The following PTPRG variants were observed in gnomAD, a reference collection of about 807,000 sequenced individuals.
The protein encoded by PTPRG is protein tyrosine phosphatase receptor type G.
Under a neutral mutation model 165.3 loss-of-function variants are expected in PTPRG, and 102 were observed. The ratio of observed to expected loss-of-function variants is 0.62; its 90% CI spans 0.53 to 0.73. The LOEUF is 0.73. Among genes scored for constraint, PTPRG ranks in the 30% least tolerant of loss-of-function variants. PTPRG has a pLI of 0.00. For missense variants in PTPRG, 1,866 were observed against 1,861.4 expected, an observed-to-expected ratio of 1.00 and a Z score of -0.05; for synonymous variants, 675 against 669.5, an observed-to-expected ratio of 1.01 and a Z score of -0.13.
intron 1 of PTPRG, among the ~76,000 whole-genome samples, chr3:61,665,450 A>G (rs1702783821): frequency 6.8e-6 from 1 of 146,936 alleles, no homozygotes; most frequent in African/African-American, 2.6e-5. Flanking sequence ...CAAAGCTAAG[A>G]TGGTGAATTG....
At chr3:62,001,681 T>G (rs1377985317) in intron 3 of PTPRG, among the ~76,000 whole-genome samples, 1 of 152,098 alleles carries the variant, frequency 6.6e-6, no homozygotes, top group Non-Finnish European at 1.5e-5. Context: ...AATGATAAGT[T>G]TCCCATTTTT....
At position 62,282,847 on chromosome 3, in the gene PTPRG, G is replaced by A; in HGVS notation, c.4033G>A (p.Gly1345Ser). The A allele has an allele frequency of 6.2e-7, 1 of 1,610,124 alleles. No homozygotes were observed. Residue 1345 changes from glycine (G) to serine (S), a missense_variant, in exon 28 of 30, where the codon GGT becomes AGT. Coordinates refer to ENST00000474889, the MANE Select transcript of PTPRG (RefSeq NM_002841.4). ...CAAGGAAGAGGCCTTAACAAGGGAT[G>A]GTCCCACCATTGTTCATGATGAGTA... Reference protein sequence around the residue: ...VIKEEALTRDGPTIVHDEYGA... With the variant: ...VIKEEALTRDSPTIVHDEYGA...
At chr3:61,600,173 A>AT (rs1553639767) in intron 1 of PTPRG, among the ~76,000 whole-genome samples, 3,807 of 123,204 alleles carry the variant, frequency 0.031, 61 homozygotes, top group Non-Finnish European at 0.045. Flanking sequence ...AAAAAAAAAA[A>AT]ATATATATAT....
At chr3:61,824,595 CA>C (rs1225401833) in intron 2 of PTPRG, among the ~76,000 whole-genome samples, 1 of 152,150 alleles carries the variant, frequency 6.6e-6, no homozygotes, top group Non-Finnish European at 1.5e-5. Context: ...TTTAAAAAGC[CA>C]AAGCAGGAGG....
intron 4 of PTPRG, among the ~76,000 whole-genome samples, chr3:62,017,236 TG>T (rs968910819): frequency 6.6e-6 from 1 of 152,194 alleles, no homozygotes; most frequent in Non-Finnish European, 1.5e-5. Flanking sequence ...CTCTAATTCC[TG>T]AGAATGAAAA....
intron 2 of PTPRG, among the ~76,000 whole-genome samples, chr3:61,895,297 G>A (rs897712524): frequency 6.6e-5 from 10 of 152,140 alleles, no homozygotes; most frequent in Admixed American, 2.0e-4. Context: ...CGTACTTTTA[G>A]GGGAAGTAGC....
chr3:61,995,850 A>G (rs978030726), intron 3 of PTPRG, among the ~76,000 whole-genome samples: 5 of 151,028 alleles, frequency 3.3e-5, no homozygotes, highest in Non-Finnish European at 2.9e-5. Context: ...GCTCACTGCA[A>G]CCTCTGACTA....
At position 61,855,521 on chromosome 3, in the gene PTPRG, TC is replaced by T. The variant is rs534206549; in HGVS notation, c.190+106541del. Among the ~76,000 whole-genome samples the T allele has an allele frequency of 1.1e-4, 16 of 151,552 alleles. 1 individual carries two copies. The South Asian group carries it at 3.1e-3, about 29-fold the overall frequency. On this transcript the variant is annotated intron_variant, in intron 2 of 29. Transcript: ENST00000474889. Reference sequence around the variant, plus strand: ...AATTTTACTTTCTATATTTTGGTCTTCCATGTAAAACTTCAAAACTCAGTTT... The same window carrying T: ...AATTTTACTTTCTATATTTTGGTCTTCATGTAAAACTTCAAAACTCAGTTT...
intron 2 of PTPRG, among the ~76,000 whole-genome samples, chr3:61,971,619 A>G (rs776249326): frequency 5.3e-5 from 8 of 152,230 alleles, no homozygotes; most frequent in Admixed American, 3.9e-4. Flanking sequence ...TGTTCCTAGA[A>G]GTTTGACTAC....
chr3:62,069,148 G>A (rs1415348705), intron 4 of PTPRG, among the ~76,000 whole-genome samples: 1 of 152,166 alleles, frequency 6.6e-6, no homozygotes, highest in Non-Finnish European at 1.5e-5. Context: ...AAAGTCATCA[G>A]GACATATTGT....
chr3:61,852,499 T>C (rs1490196096), intron 2 of PTPRG, among the ~76,000 whole-genome samples: 1 of 152,244 alleles, frequency 6.6e-6, no homozygotes, highest in Non-Finnish European at 1.5e-5. Context: ...TGAAGAGTTT[T>C]TTAAAAACCA....
chr3:61,961,610 A>C (rs2040154706), intron 2 of PTPRG, among the ~76,000 whole-genome samples: 1 of 152,156 alleles, frequency 6.6e-6, no homozygotes, highest in African/African-American at 2.4e-5. Context: ...GAGTATTTTA[A>C]AAATAGAAAC....
intron 1 of PTPRG, among the ~76,000 whole-genome samples, chr3:61,605,110 CCTT>C (rs1319713481): frequency 6.6e-6 from 1 of 152,162 alleles, no homozygotes; most frequent in Non-Finnish European, 1.5e-5. Context: ...CATTCGCTAT[CCTT>C]CTCTTTGCTG....
intron 8 of PTPRG, among the ~76,000 whole-genome samples, chr3:62,182,115 G>A (rs148057268): frequency 6.6e-6 from 1 of 152,284 alleles, no homozygotes; most frequent in East Asian, 1.9e-4. Flanking sequence ...TTCATTAAAT[G>A]GGAGTGGATC....
At chr3:61,832,255 T>C (rs1376690987) in intron 2 of PTPRG, among the ~76,000 whole-genome samples, 1 of 152,228 alleles carries the variant, frequency 6.6e-6, no homozygotes, top group Admixed American at 6.5e-5. Context: ...TTCAAAATTA[T>C]TGGATTTGGA....
intron 1 of PTPRG, among the ~76,000 whole-genome samples, chr3:61,568,247 C>G (rs1252594096): frequency 6.6e-6 from 1 of 152,170 alleles, no homozygotes; most frequent in Non-Finnish European, 1.5e-5. Flanking sequence ...TTGCAAATTT[C>G]TAAGAACATG....
chr3:61,778,006 C>T (rs2034435371), intron 2 of PTPRG, among the ~76,000 whole-genome samples: 1 of 152,166 alleles, frequency 6.6e-6, no homozygotes, highest in Admixed American at 6.5e-5. Flanking sequence ...TTCACTCATT[C>T]ATTCATTCAT....
intron 3 of PTPRG, among the ~76,000 whole-genome samples, chr3:61,996,056 T>C (rs2041033740): frequency 6.6e-6 from 1 of 152,146 alleles, no homozygotes; most frequent in Non-Finnish European, 1.5e-5. Context: ...CCCCCTTCTC[T>C]CCCTTCTTCC....
At chr3:61,811,298 C>T (rs1026441218) in intron 2 of PTPRG, among the ~76,000 whole-genome samples, 1 of 152,186 alleles carries the variant, frequency 6.6e-6, no homozygotes, top group African/African-American at 2.4e-5. Flanking sequence ...GTGGAACTTC[C>T]TGGCCCCAAC....
Sources: allele counts gnomAD v4.1 joint callset (sites outside exome capture counted in the v4.1 genomes callset), GRCh38; gene constraint gnomAD v4.1.1; transcripts MANE v1.5; gene names NCBI Gene and HGNC (gene_info 2026-07-23, HGNC 2026-07-21).